Variants in GIGYF2 observed in about 807,000 individuals in gnomAD.
The protein encoded by GIGYF2 is GRB10-interacting GYF protein 2.
In GIGYF2, 25 loss-of-function variants were observed where a neutral mutation model predicts 208.1. The observed-to-expected ratio is 0.12, with a 90% CI of 0.09 to 0.17. GIGYF2 has a LOEUF of 0.17. Among genes scored for constraint, GIGYF2 ranks in the 10% least tolerant of loss-of-function variants. GIGYF2 has a pLI of 1.00. For missense variants in GIGYF2, 1,302 were observed against 1,579.4 expected, an observed-to-expected ratio of 0.82 and a Z score of 2.98; for synonymous variants, 534 against 543.8, an observed-to-expected ratio of 0.98 and a Z score of 0.25.
At chr2:232,730,922 A>AG (rs1697462879) in intron 2 of GIGYF2, among the ~76,000 whole-genome samples, 8 of 146,198 alleles carry the variant, frequency 5.5e-5, no homozygotes, top group Non-Finnish European at 7.6e-5. Context: ...AAAAAAAAAA[A>AG]GAAATCTTTA....
At chr2:232,743,912 ATGGCTCACTGCAGCCTC>A (rs1490688693) in intron 3 of GIGYF2, among the ~76,000 whole-genome samples, 10 of 152,204 alleles carry the variant, frequency 6.6e-5, no homozygotes, top group African/African-American at 2.4e-4. Context: ...TGTTGCGATC[ATGGCTCACTGCAGCCTC>A]TACCTCCTGA....
At chr2:232,739,823 G>C (rs1697903389) in intron 3 of GIGYF2, among the ~76,000 whole-genome samples, 1 of 151,732 alleles carries the variant, frequency 6.6e-6, no homozygotes, top group African/African-American at 2.4e-5. Context: ...ATTTAGGCCG[G>C]GCGCGGTGGC....
intron 14 of GIGYF2, among the ~76,000 whole-genome samples, chr2:232,801,452 G>A (rs758545396): frequency 4.6e-5 from 7 of 152,162 alleles, no homozygotes; most frequent in Non-Finnish European, 8.8e-5. Context: ...TAGAGCCCAG[G>A]AAGTTGAGGC....
Position 232,777,001 on chromosome 2 carries a change from A to G in GIGYF2, c.533-10149A>G, listed in dbSNP as rs565207330. ...AGGACTTATAGGCATAAATTAATGC[A>G]TTGATTTTCTTAGTTTTCTTCTCAT... On this transcript the variant is annotated intron_variant, in intron 8 of 28. Coordinates refer to ENST00000373563, the MANE Select transcript of GIGYF2 (RefSeq NM_001103146.3). Among the ~76,000 whole-genome samples, 170 of 151,892 alleles carry G rather than the reference A, an allele frequency of 1.1e-3. 1 individual carries two copies. The highest frequency in any genetic ancestry group is 3.9e-3 in the African/African-American group (163 of 41,440).
chr2:232,717,189 G>A (rs900358855), intron 2 of GIGYF2, among the ~76,000 whole-genome samples: 1 of 152,104 alleles, frequency 6.6e-6, no homozygotes, highest in African/African-American at 2.4e-5. Flanking sequence ...GCTCATACCT[G>A]TAATCCCAGT....
chr2:232,714,567 CTCAT>C (rs1696588707), intron 2 of GIGYF2, among the ~76,000 whole-genome samples: 1 of 152,020 alleles, frequency 6.6e-6, no homozygotes, highest in South Asian at 2.1e-4. Context: ...TTTAAGTATA[CTCAT>C]TAAGTGTACA....
chr2:232,780,676 A>G (rs1006051375), intron 8 of GIGYF2, among the ~76,000 whole-genome samples: 2 of 152,222 alleles, frequency 1.3e-5, no homozygotes, highest in African/African-American at 4.8e-5. Flanking sequence ...TAATTCAATA[A>G]GGTTTACTTT....
In GIGYF2 at chr2:232,794,585, G is replaced by T. The variant is rs576612207; in HGVS notation, c.1283-163G>T. Among the ~76,000 whole-genome samples, 12 of 152,142 alleles carry T rather than the reference G, an allele frequency of 7.9e-5. No individual in the cohort carries two copies. In the South Asian group the frequency reaches 2.5e-3, roughly 32 times the overall value. ...CTGTGTAGGTAATTTTGTCACTCTA[G>T]GAAGGAATATTACGTTTCTCCATAG... is the stretch of plus-strand genomic sequence containing the variant. On this transcript the variant is annotated intron_variant, in intron 12 of 28. Transcript: ENST00000373563.
At chr2:232,743,592 C>CT (rs1196198915) in intron 3 of GIGYF2, among the ~76,000 whole-genome samples, 1 of 152,142 alleles carries the variant, frequency 6.6e-6, no homozygotes, top group Admixed American at 6.5e-5. Flanking sequence ...ACCCCAGTGT[C>CT]TATCATTCCC....
At chr2:232,828,964 A>G (rs1478140433) in intron 21 of GIGYF2, among the ~76,000 whole-genome samples, 1 of 152,170 alleles carries the variant, frequency 6.6e-6, no homozygotes, top group Non-Finnish European at 1.5e-5. Flanking sequence ...TTCATGAATG[A>G]CAATTAGGTC....
At chr2:232,779,513 A>G (rs283486) in intron 8 of GIGYF2, among the ~76,000 whole-genome samples, 48,214 of 152,104 alleles carry the variant, frequency 0.32, 8,012 homozygotes, top group South Asian at 0.62. Flanking sequence ...TCTGGTCTCC[A>G]TGTTCTTGCT....
chr2:232,818,628 T>C (rs1700984269), intron 20 of GIGYF2, among the ~76,000 whole-genome samples: 1 of 152,024 alleles, frequency 6.6e-6, no homozygotes, highest in Non-Finnish European at 1.5e-5. Context: ...CTCTTTTTGG[T>C]TTCTTTTTTT....
chr2:232,727,509 G>A (rs1360310423), intron 2 of GIGYF2, among the ~76,000 whole-genome samples: 2 of 152,210 alleles, frequency 1.3e-5, no homozygotes, highest in East Asian at 3.8e-4. Flanking sequence ...AATGGGAATA[G>A]CGGGGAGGCA....
chr2:232,714,069 C>T (rs1228001421), intron 2 of GIGYF2, among the ~76,000 whole-genome samples: 1 of 152,020 alleles, frequency 6.6e-6, no homozygotes, highest in Non-Finnish European at 1.5e-5. Flanking sequence ...CCTGCCTCAG[C>T]CTCCAGAGTA....
At chr2:232,767,810 T>C in intron 8 of GIGYF2, 1 of 262,914 alleles carries the variant, frequency 3.8e-6, no homozygotes. Flanking sequence ...GAAACTAAAC[T>C]GTTGCTTCAA....
At chr2:232,781,509 CCTT>C (rs1450911475) in intron 8 of GIGYF2, among the ~76,000 whole-genome samples, 1 of 152,020 alleles carries the variant, frequency 6.6e-6, no homozygotes, top group African/African-American at 2.4e-5. Flanking sequence ...ACTGAAGTCA[CCTT>C]CTAAATAATT....
chr2:232,813,881 A>ATT (rs397871962), intron 18 of GIGYF2, among the ~76,000 whole-genome samples: 43 of 73,534 alleles, frequency 5.8e-4, no homozygotes, highest in East Asian at 1.4e-3. Context: ...TCACAAGTGG[A>ATT]TTTTTTTTTT....
intron 8 of GIGYF2, among the ~76,000 whole-genome samples, chr2:232,763,579 C>G (rs1241765827): frequency 6.6e-6 from 1 of 151,978 alleles, no homozygotes; most frequent in Non-Finnish European, 1.5e-5. Context: ...AATCCTAGAA[C>G]TTTGGGAGGC....
chr2:232,806,375 T>C lies in GIGYF2; in HGVS notation c.1640-116T>C. On this transcript the variant is annotated intron_variant, in intron 14 of 28. Transcript: ENST00000373563. This position sits in a 1 kb window ranked among gnomAD's most constrained non-coding sequence, Gnocchi z 4.0. Reference sequence around the variant, plus strand: ...TTTAGAGGTGAATTAAATTAGATAGTATAAAACATTTTGACAGATGCCACC... The same window carrying C: ...TTTAGAGGTGAATTAAATTAGATAGCATAAAACATTTTGACAGATGCCACC... The C allele has an allele frequency of 2.5e-6, 2 of 787,300 alleles. No individual in the cohort carries two copies. The highest frequency in any genetic ancestry group is 2.8e-5 in the South Asian group (2 of 71,752). 48.8% of individuals were successfully genotyped at this position (787,300 alleles called of 1,614,324 possible). A position where few individuals can be genotyped will look rare whatever the true frequency, so the allele number is the denominator to read the frequency against.
Sources: allele counts gnomAD v4.1 joint callset (sites outside exome capture counted in the v4.1 genomes callset), GRCh38; gene constraint gnomAD v4.1.1; non-coding constraint Gnocchi (gnomAD v3.1); transcripts MANE v1.5; gene names NCBI Gene and HGNC (gene_info 2026-07-23, HGNC 2026-07-21).